RSPH14: variants seen among roughly 807,000 people sequenced by gnomAD.
RSPH14 encodes the protein rhabdoid tumor deletion region gene 1.
RSPH14 carries 20 observed loss-of-function variants against 26.7 expected under a neutral mutation model. The ratio of observed to expected loss-of-function variants is 0.75; its 90% CI spans 0.53 to 1.09. The LOEUF (loss-of-function observed/expected upper bound fraction) is 1.09. Ranked by LOEUF, RSPH14 falls within the 50% of genes least tolerant of loss-of-function variation. The probability of loss-of-function intolerance (pLI) is 0.00; values close to 1 mark genes in which losing one functional copy is unlikely to be tolerated. For missense variants in RSPH14, 449 were observed against 457.2 expected (o/e 0.98, Z 0.16); for synonymous variants, 177 against 189.3 (o/e 0.93, Z 0.53).
intron 4 of RSPH14, among the ~76,000 whole-genome samples, chr22:23,077,114 G>A (rs770181428): frequency 9.9e-5 from 15 of 152,154 alleles, no homozygotes; most frequent in African/African-American, 2.7e-4. Flanking sequence ...CAGCGGGCAC[G>A]GGAGGCAGGA....
intron 4 of RSPH14, among the ~76,000 whole-genome samples, chr22:23,133,205 G>A (rs983650366): frequency 2.6e-5 from 4 of 152,112 alleles, no homozygotes; most frequent in Non-Finnish European, 5.9e-5. Flanking sequence ...TCAGATGTCC[G>A]TCAGCAACGG....
At chr22:23,073,712 G>A (rs1224605948) in intron 4 of RSPH14, among the ~76,000 whole-genome samples, 7 of 152,194 alleles carry the variant, frequency 4.6e-5, no homozygotes, top group South Asian at 2.1e-4. Context: ...GGACTGAGCC[G>A]GAGGAGCAGA....
chr22:23,105,725 T>C (rs1407389190), intron 4 of RSPH14, among the ~76,000 whole-genome samples: 12 of 152,348 alleles, frequency 7.9e-5, no homozygotes, highest in Middle Eastern at 3.4e-3. Context: ...AACACACCTG[T>C]ATCATGCTGT....
At chr22:23,139,050 C>T in intron 2 of RSPH14, 108 bp from the exon 3 acceptor site, 2 of 798,944 alleles carry the variant, frequency 2.5e-6, no homozygotes, top group South Asian at 3.4e-5. Context: ...AGGAATGTAC[C>T]AGAGTTTCTG....
At chr22:23,137,170 C>T (rs1011532763) in intron 3 of RSPH14, among the ~76,000 whole-genome samples, 3 of 138,782 alleles carry the variant, frequency 2.2e-5, no homozygotes, top group African/African-American at 7.7e-5. Context: ...AGATGCCCTG[C>T]AGCCTCTGCC....
At chr22:23,073,141 G>A (rs573790046) in intron 4 of RSPH14, among the ~76,000 whole-genome samples, 1 of 152,372 alleles carries the variant, frequency 6.6e-6, no homozygotes, top group Admixed American at 6.5e-5. Context: ...GGTGTGTGGT[G>A]GCAAAGGCAC....
intron 4 of RSPH14, among the ~76,000 whole-genome samples, chr22:23,086,082 G>A (rs993218875): frequency 2.0e-5 from 3 of 152,270 alleles, no homozygotes; most frequent in African/African-American, 7.2e-5. Flanking sequence ...TCTGTCTACG[G>A]CGGGTGACCC....
In RSPH14 at chr22:23,139,160, C is replaced by T. The variant is rs567552334; in HGVS notation, c.200-218G>A. On this transcript the variant is annotated intron_variant, in intron 2 of 6. Transcript: ENST00000216036. Reference sequence around the variant, plus strand: ...AACCCTCCTTGTGATTCTCCCTGCACACTTCCTACCAGTGACTTCTCACAA... The same window carrying T: ...AACCCTCCTTGTGATTCTCCCTGCATACTTCCTACCAGTGACTTCTCACAA... Among the ~76,000 whole-genome samples the T allele has an allele frequency of 7.9e-5, 12 of 152,344 alleles. No individual in the cohort carries two copies. In the East Asian group the frequency reaches 2.3e-3, roughly 29 times the overall value.
At chr22:23,113,805 A>G (rs989970096) in intron 4 of RSPH14, among the ~76,000 whole-genome samples, 8 of 152,248 alleles carry the variant, frequency 5.3e-5, no homozygotes, top group Admixed American at 5.2e-4. Context: ...GGCAGGTTGC[A>G]GAGGCTCCTG....
At chr22:23,167,101 T>C in the RSPH14 span, among the ~76,000 whole-genome samples, 262 of 152,026 alleles carry the variant, frequency 1.7e-3, 2 homozygotes, top group African/African-American at 6.1e-3. Context: ...GAACTCCTGG[T>C]CCCTCCCCTG....
At chr22:23,173,664 C>G in the RSPH14 span, among the ~76,000 whole-genome samples, 16 of 134,456 alleles carry the variant, frequency 1.2e-4, no homozygotes, top group East Asian at 3.9e-3. Context: ...TGGGGTCTCA[C>G]TATGGTGCCC....
chr22:23,084,666 C>T (rs1023331134), intron 4 of RSPH14, among the ~76,000 whole-genome samples: 6 of 152,242 alleles, frequency 3.9e-5, no homozygotes, highest in South Asian at 2.1e-4. Flanking sequence ...ACCTGCGCTT[C>T]GTGGCCCATG....
At chr22:23,102,524 C>G (rs568679451) in intron 4 of RSPH14, among the ~76,000 whole-genome samples, 3 of 152,232 alleles carry the variant, frequency 2.0e-5, no homozygotes, top group Non-Finnish European at 4.4e-5. Context: ...GCTCCTTGCC[C>G]TGGGTAGGTC....
chr22:23,173,008 AGT>A, the RSPH14 span, among the ~76,000 whole-genome samples: 1 of 64 alleles, frequency 0.016, no homozygotes, highest in South Asian at 0.25. Flanking sequence ...TTTTCAGAAT[AGT>A]GTCTTTTCAT....
upstream of RSPH14, chr22:23,145,195 A>T: frequency 3.1e-6 from 2 of 650,252 alleles, no homozygotes; most frequent in Non-Finnish European, 5.3e-6. Flanking sequence ...GAATCTCTCC[A>T]CGGTCAGCCC....
upstream of RSPH14, among the ~76,000 whole-genome samples, chr22:23,147,119 C>T (rs1282914598): frequency 2.6e-5 from 4 of 152,210 alleles, no homozygotes; most frequent in African/African-American, 9.6e-5. Flanking sequence ...ATCAAAACAG[C>T]ATTCCAGTTC....
chr22:23,061,781 C>A, intron 6 of RSPH14, 28 bp downstream of exon 6: 1 of 1,613,186 alleles, frequency 6.2e-7, no homozygotes, highest in Non-Finnish European at 8.5e-7. Context: ...TAGGGTCTCC[C>A]TCCCTGCGGC....
chr22:23,129,117 C>A (rs1156852952), intron 4 of RSPH14, among the ~76,000 whole-genome samples: 2 of 152,234 alleles, frequency 1.3e-5, no homozygotes, highest in South Asian at 2.1e-4. Context: ...ACCCCCCAGG[C>A]CCCCCACCCA....
At chr22:23,153,190 A>G in the RSPH14 span, 2 of 1,329,310 alleles carry the variant, frequency 1.5e-6, no homozygotes, top group Non-Finnish European at 1.1e-6. Context: ...CACCTGAGAA[A>G]GGATTTGGGG....
Sources: gnomAD v4.1 joint callset for allele counts (sites outside exome capture counted in the v4.1 genomes callset) on GRCh38, gnomAD v4.1.1 for gene constraint, MANE v1.5 for transcripts, NCBI Gene and HGNC (gene_info 2026-07-23, HGNC 2026-07-21) for gene names.